The following TENM1 variants were observed in gnomAD, a reference collection of about 807,000 sequenced individuals.
TENM1 encodes the protein teneurin transmembrane protein 1.
A neutral mutation model predicts 174.8 loss-of-function variants in TENM1; 35 were observed. The ratio of observed to expected loss-of-function variants is 0.20; its 90% CI spans 0.15 to 0.27. The LOEUF is 0.27. TENM1 is among the 10% of genes least tolerant of loss of function. TENM1 has a pLI of 1.00. For missense variants in TENM1, 1,633 were observed against 2,130.1 expected (o/e 0.77, Z 4.59); for synonymous variants, 781 against 798.7 (o/e 0.98, Z 0.37).
chrX:124,520,489 C>T (rs200006516), intron 18 of TENM1, 28 bp downstream of exon 21: 98 of 1,153,810 alleles, frequency 8.5e-5, no homozygotes, highest in Non-Finnish European at 1.1e-4. Context: ...TGTAATACTG[C>T]TATTTACATA....
At chrX:124,493,273 C>T (rs975900088) in intron 20 of TENM1, among the ~76,000 whole-genome samples, 7 of 111,560 alleles carry the variant, frequency 6.3e-5, no homozygotes, top group African/African-American at 2.3e-4. Flanking sequence ...GACTAAAATG[C>T]AAATTTGTAA....
chrX:125,073,831 C>T, the TENM1 span, among the ~76,000 whole-genome samples: 1 of 111,643 alleles, frequency 9.0e-6, no homozygotes, highest in Non-Finnish European at 1.9e-5. Context: ...ACATCATTCA[C>T]CAGACCCCAT....
chrX:124,479,786 T>C (rs770317069), intron 22 of TENM1, among the ~76,000 whole-genome samples: 1 of 111,658 alleles, frequency 9.0e-6, no homozygotes, highest in Non-Finnish European at 1.9e-5. Context: ...ATCTTTATAA[T>C]ACCCTCAAGA....
intron 11 of TENM1, among the ~76,000 whole-genome samples, chrX:124,576,052 G>T (rs1434010930): frequency 9.0e-6 from 1 of 111,391 alleles, no homozygotes; most frequent in Non-Finnish European, 1.9e-5. Flanking sequence ...CAACCCTAAA[G>T]GAGCAAATAT....
At chrX:124,465,540 C>G (rs1002591962) in intron 22 of TENM1, among the ~76,000 whole-genome samples, 3 of 111,974 alleles carry the variant, frequency 2.7e-5, no homozygotes, top group South Asian at 3.8e-4. Flanking sequence ...GCCTGAGCCA[C>G]CGTGCCCCAT....
At chrX:125,117,984 T>C in the TENM1 span, among the ~76,000 whole-genome samples, 1 of 111,467 alleles carries the variant, frequency 9.0e-6, no homozygotes, top group South Asian at 3.8e-4. Flanking sequence ...CATCAATGGA[T>C]GACAGGGTAA....
intron 4 of TENM1, among the ~76,000 whole-genome samples, chrX:124,713,653 T>C (rs2053114747): frequency 8.9e-6 from 1 of 112,464 alleles, no homozygotes; most frequent in African/African-American, 3.2e-5. Flanking sequence ...TGGTCAACTA[T>C]CTCTGGATTG....
chrX:124,546,403 C>A (rs1228564907), intron 15 of TENM1, among the ~76,000 whole-genome samples: 1 of 111,731 alleles, frequency 9.0e-6, no homozygotes, highest in East Asian at 2.8e-4. Flanking sequence ...GGTCTGAGGT[C>A]TTAAGTGACA....
At chrX:125,150,205 C>T in the TENM1 span, among the ~76,000 whole-genome samples, 4,017 of 111,812 alleles carry the variant, frequency 0.036, 175 homozygotes, top group African/African-American at 0.12. Flanking sequence ...ATGCAGACTA[C>T]GCTTACATGA....
intron 5 of TENM1, among the ~76,000 whole-genome samples, chrX:124,680,242 G>T (rs1193112473): frequency 9.0e-6 from 1 of 110,971 alleles, no homozygotes; most frequent in East Asian, 2.8e-4. Flanking sequence ...TAAATGAAAT[G>T]AATTATTCTC....
intron 11 of TENM1, among the ~76,000 whole-genome samples, chrX:124,579,801 C>A (rs993304027): frequency 2.7e-5 from 3 of 111,551 alleles, no homozygotes; most frequent in Non-Finnish European, 3.8e-5. Flanking sequence ...TAGCTCAGGG[C>A]AAACTTGAGC....
At chrX:125,001,888 C>CACAG in the TENM1 span, among the ~76,000 whole-genome samples, 12 of 98,522 alleles carry the variant, frequency 1.2e-4, no homozygotes, top group Non-Finnish European at 4.1e-5. Context: ...CACACACACA[C>CACAG]AGCTCTCTCT....
chrX:124,672,691 G>A (rs906790314), intron 5 of TENM1, among the ~76,000 whole-genome samples: 13 of 112,107 alleles, frequency 1.2e-4, no homozygotes, highest in African/African-American at 4.2e-4. Context: ...TTCATCAAGA[G>A]GGGATTAATC....
intron 1 of TENM1, among the ~76,000 whole-genome samples, chrX:124,923,809 TG>T (rs1222739163): frequency 4.5e-5 from 5 of 111,723 alleles, no homozygotes; most frequent in African/African-American, 1.6e-4. Flanking sequence ...CCAAAGAATA[TG>T]AGCAGCCTCT....
intron 16 of TENM1, among the ~76,000 whole-genome samples, chrX:124,528,487 A>G (rs1277895802): frequency 1.8e-5 from 2 of 110,742 alleles, no homozygotes; most frequent in East Asian, 5.6e-4. Flanking sequence ...GAAATAACCC[A>G]TTTCTCAATT....
chrX:124,387,304 CTTGTT>C (rs1441443458), intron 28 of TENM1, among the ~76,000 whole-genome samples: 2 of 110,589 alleles, frequency 1.8e-5, no homozygotes, highest in South Asian at 3.9e-4. Flanking sequence ...TATTGATTGT[CTTGTT>C]TTAATTCTAA....
the TENM1 span, among the ~76,000 whole-genome samples, chrX:125,061,697 G>A: frequency 3.1e-4 from 35 of 111,885 alleles, no homozygotes; most frequent in Non-Finnish European, 9.4e-5. Flanking sequence ...CGGGCAGATC[G>A]CTTGAGGTCA....
At chrX:125,104,220 A>G in the TENM1 span, among the ~76,000 whole-genome samples, 1 of 111,619 alleles carries the variant, frequency 9.0e-6, no homozygotes, top group South Asian at 3.8e-4. Flanking sequence ...ACATCCTCTC[A>G]TCTCCAAAAA....
chrX:125,004,991 C>CTCAT, the TENM1 span, among the ~76,000 whole-genome samples: 1 of 110,823 alleles, frequency 9.0e-6, no homozygotes, highest in African/African-American at 3.3e-5. Flanking sequence ...GAAACCATGA[C>CTCAT]TCATTAATTC....
Sources: gnomAD v4.1 joint callset for allele counts (sites outside exome capture counted in the v4.1 genomes callset) on GRCh38, gnomAD v4.1.1 for gene constraint, MANE v1.5 for transcripts, NCBI Gene and HGNC (gene_info 2026-07-23, HGNC 2026-07-21) for gene names.